The following PCSK5 variants were observed in gnomAD, a reference collection of about 807,000 sequenced individuals.
The protein encoded by PCSK5 is prohormone convertase 5.
A neutral mutation model predicts 233.2 loss-of-function variants in PCSK5; 129 were observed. The observed-to-expected ratio is 0.55, with a 90% CI of 0.48 to 0.64. PCSK5 has a LOEUF of 0.64. Ranked by LOEUF, PCSK5 falls within the 30% of genes least tolerant of loss-of-function variation. The pLI is 0.00. For synonymous variants in PCSK5, 825 were observed against 879.2 expected (o/e 0.94, Z 1.09); for missense variants, 2,076 against 2,430.1 (o/e 0.85, Z 3.06).
At chr9:76,258,066 G>A (rs1827041182) in intron 24 of PCSK5, among the ~76,000 whole-genome samples, 2 of 152,132 alleles carry the variant, frequency 1.3e-5, no homozygotes, top group Non-Finnish European at 1.5e-5. Flanking sequence ...GGTACAGGGA[G>A]GGCCCTGGGG....
At chr9:76,314,863 A>G (rs1297587828) in intron 30 of PCSK5, among the ~76,000 whole-genome samples, 1 of 151,778 alleles carries the variant, frequency 6.6e-6, no homozygotes, top group Non-Finnish European at 1.5e-5. Context: ...CTGGTCTCGG[A>G]ACTCCTGACC....
intron 35 of PCSK5, among the ~76,000 whole-genome samples, chr9:76,349,940 C>T (rs917797221): frequency 7.2e-5 from 11 of 152,208 alleles, no homozygotes; most frequent in African/African-American, 2.2e-4. Flanking sequence ...CAGACTTCTT[C>T]TATTTGGTGG....
At chr9:76,228,976 T>C (rs560757040) in intron 21 of PCSK5, among the ~76,000 whole-genome samples, 31 of 152,028 alleles carry the variant, frequency 2.0e-4, no homozygotes, top group African/African-American at 7.0e-4. Context: ...GGTTTGGCTC[T>C]CCAAATAGCT....
intron 24 of PCSK5, among the ~76,000 whole-genome samples, chr9:76,258,148 G>A (rs1338648305): frequency 6.6e-6 from 1 of 152,136 alleles, no homozygotes; most frequent in Non-Finnish European, 1.5e-5. Context: ...ATCTCCAGAG[G>A]GGTAGGTGGT....
At chr9:75,982,294 A>T (rs541646657) in intron 2 of PCSK5, among the ~76,000 whole-genome samples, 4 of 152,204 alleles carry the variant, frequency 2.6e-5, no homozygotes, top group Admixed American at 2.0e-4. Context: ...TTAGTAAATA[A>T]CCTCGCACAT....
chr9:76,345,763 A>G (rs1023605988), intron 35 of PCSK5, among the ~76,000 whole-genome samples: 5 of 150,840 alleles, frequency 3.3e-5, no homozygotes, highest in Admixed American at 3.3e-4. Flanking sequence ...TTTGTTGCCC[A>G]GGCTTGAGTG....
intron 17 of PCSK5, among the ~76,000 whole-genome samples, chr9:76,185,660 T>G (rs1419623814): frequency 6.6e-6 from 1 of 152,168 alleles, no homozygotes; most frequent in East Asian, 1.9e-4. Context: ...ACTTCAGTAC[T>G]GAGAAAGAAT....
intron 12 of PCSK5, among the ~76,000 whole-genome samples, chr9:76,164,136 A>G (rs1822993053): frequency 1.3e-5 from 2 of 152,124 alleles, no homozygotes; most frequent in South Asian, 4.1e-4. Context: ...TCCCTACCCA[A>G]ATGTTCAATG....
chr9:76,292,622 C>T (rs940296317), intron 25 of PCSK5, among the ~76,000 whole-genome samples: 1 of 152,146 alleles, frequency 6.6e-6, no homozygotes, highest in Non-Finnish European at 1.5e-5. Context: ...ATGGATACTG[C>T]GTCCTTAACC....
chr9:76,141,999 A>C (rs770409771), intron 10 of PCSK5, among the ~76,000 whole-genome samples: 1 of 152,058 alleles, frequency 6.6e-6, no homozygotes, highest in Non-Finnish European at 1.5e-5. Context: ...TGGGAGGAGA[A>C]AGAGGAGCAG....
At chr9:76,357,767 G>A (rs73652940) in intron 37 of PCSK5, among the ~76,000 whole-genome samples, 1,564 of 152,170 alleles carry the variant, frequency 0.01, 20 homozygotes, top group African/African-American at 0.035. Context: ...ACTTCCTCTC[G>A]ATGGACTTTA....
intron 8 of PCSK5, among the ~76,000 whole-genome samples, chr9:76,105,716 G>T (rs915430157): frequency 1.3e-5 from 2 of 152,116 alleles, no homozygotes; most frequent in Non-Finnish European, 2.9e-5. Flanking sequence ...GTAGTGAAAG[G>T]TTTGACTCCT....
intron 2 of PCSK5, among the ~76,000 whole-genome samples, chr9:75,965,069 T>G (rs1300223505): frequency 3.9e-5 from 6 of 152,110 alleles, no homozygotes; most frequent in Non-Finnish European, 8.8e-5. Flanking sequence ...GCTTGTCAAA[T>G]GAAGGGTTTG....
chr9:76,108,020 G>A (rs914367), intron 9 of PCSK5, among the ~76,000 whole-genome samples: 48,464 of 151,984 alleles, frequency 0.32, 8,025 homozygotes, highest in South Asian at 0.41. Flanking sequence ...AAAACTGAAC[G>A]TTCTTTTGCA....
chr9:76,046,536 GTTCTTTTTTTTTCTTTCTTT>G (rs1302456053), intron 5 of PCSK5, among the ~76,000 whole-genome samples: 7 of 118,772 alleles, frequency 5.9e-5, no homozygotes, highest in Admixed American at 5.7e-4. Context: ...TACAACTCTA[GTTCTTTTTTTTTCTTTCTTT>G]TTCTTTTTTT....
At chr9:76,079,038 C>T (rs918187412) in intron 7 of PCSK5, among the ~76,000 whole-genome samples, 6 of 151,596 alleles carry the variant, frequency 4.0e-5, no homozygotes, top group Admixed American at 6.6e-5. Flanking sequence ...ACATCTTTCA[C>T]GTCCTTGGTT....
At chr9:76,255,081 G>A (rs1826939633) in intron 24 of PCSK5, among the ~76,000 whole-genome samples, 1 of 152,122 alleles carries the variant, frequency 6.6e-6, no homozygotes, top group African/African-American at 2.4e-5. Context: ...GAGGCCAGGA[G>A]TTTGAGATCA....
intron 5 of PCSK5, among the ~76,000 whole-genome samples, chr9:76,057,286 C>A (rs1037494092): frequency 6.6e-6 from 1 of 152,096 alleles, no homozygotes; most frequent in African/African-American, 2.4e-5. Flanking sequence ...TACACTTGAA[C>A]TTCAAACAGG....
At chr9:76,024,438 A>C (rs78485345) in intron 4 of PCSK5, among the ~76,000 whole-genome samples, 5,842 of 152,204 alleles carry the variant, frequency 0.038, 339 homozygotes, top group African/African-American at 0.13. Flanking sequence ...ACAGAATAGA[A>C]TTTTCAAGCT....
Sources: gnomAD v4.1 joint callset for allele counts (sites outside exome capture counted in the v4.1 genomes callset) on GRCh38, gnomAD v4.1.1 for gene constraint, MANE v1.5 for transcripts, NCBI Gene and HGNC (gene_info 2026-07-23, HGNC 2026-07-21) for gene names.